The following MAP3K15 variants were observed in gnomAD, a reference collection of about 807,000 sequenced individuals.
MAP3K15 encodes MAPK/ERK kinase kinase 15.
A neutral mutation model predicts 99.5 loss-of-function variants in MAP3K15; 124 were observed. That is an observed-to-expected ratio of 1.25 (90% CI 1.08 to 1.45). The LOEUF is 1.45. Among genes scored for constraint, MAP3K15 ranks in the 40% most tolerant of loss-of-function variants. MAP3K15 has a pLI of 0.00. For missense variants in MAP3K15, 1,242 were observed against 1,079.7 expected (o/e 1.15, Z -2.11); for synonymous variants, 494 against 439.6 (o/e 1.12, Z -1.55).
At chrX:19,375,308 G>A (rs774740391) in intron 19 of MAP3K15, among the ~76,000 whole-genome samples, 1 of 111,661 alleles carries the variant, frequency 9.0e-6, no homozygotes, top group East Asian at 2.8e-4. Flanking sequence ...GGGTCCCCAA[G>A]AGATGCCTTT....
intron 1 of MAP3K15, among the ~76,000 whole-genome samples, chrX:19,512,883 G>C (rs2147443524): frequency 9.0e-6 from 1 of 111,234 alleles, no homozygotes; most frequent in East Asian, 2.8e-4. Flanking sequence ...AGTGGTTTTA[G>C]AATTTTTACA....
At chrX:19,458,073 C>T (rs1278595914) in intron 5 of MAP3K15, among the ~76,000 whole-genome samples, 1 of 112,230 alleles carries the variant, frequency 8.9e-6, no homozygotes, top group East Asian at 2.8e-4. Context: ...GGCTTAGAAT[C>T]GTTGGAACTG....
chrX:19,373,626 T>C lies in MAP3K15; in HGVS notation c.2843A>G (p.His948Arg). Residue 948 changes from histidine to arginine, a missense_variant, in exon 21 of 29, where the codon CAC becomes CGC. Physicochemically the swap from His to Arg is conservative, Grantham distance 29 (BLOSUM62 0). Transcript: ENST00000338883. ...GTCGGAGTCTGGGGAGACAGAGCCG[T>C]GCTCGCTGCTGCTGGTGGCCATGGG... The part of the protein sequence containing the change: ...GEPMATSSSE[H>R]GSVSPDSDAQ... 8.4e-7 allele frequency: 1 copy of C among 1,196,762 alleles called. No homozygotes were observed. The highest frequency in any genetic ancestry group is 1.1e-6 in the Non-Finnish European group (1 of 890,077).
chrX:19,462,040 A>AC (rs2064137059), intron 4 of MAP3K15, among the ~76,000 whole-genome samples: 3 of 99,804 alleles, frequency 3.0e-5, no homozygotes, highest in African/African-American at 1.2e-4. Context: ...CACACACACA[A>AC]AACAAAGCTG....
At position 19,371,416 on chromosome X, in the gene MAP3K15, T is replaced by C; in HGVS notation, c.3223A>G (p.Lys1075Glu). 1 of 1,203,381 alleles carries C rather than the reference T, an allele frequency of 8.3e-7. No individual in the cohort carries two copies. Among genetic ancestry groups the C allele is most frequent in the Non-Finnish European group, 1.1e-6 (1 of 888,441 alleles). ...GAGCTGTCAAAGTCCAGGTCCACCT[T>C]GAGCTTTGATATTGTGGTCGCCATC... is the stretch of plus-strand genomic sequence containing the variant. ...RVMATTISKL[K>E]VDLDFDSSSI... Residue 1075 changes from lysine to glutamate, a missense_variant, in exon 23 of 29, where the codon AAG becomes GAG. Transcript: ENST00000338883.
chrX:19,371,412 A>T lies in MAP3K15; in HGVS notation c.3227T>A (p.Val1076Glu). 2 of 1,211,465 alleles carry T rather than the reference A, an allele frequency of 1.7e-6. No homozygotes were observed. The highest frequency in any genetic ancestry group is 2.2e-6 in the Non-Finnish European group (2 of 895,217). ...VMATTISKLK[V>E]DLDFDSSSIS... ...GGACGAGCTGTCAAAGTCCAGGTCC[A>T]CCTTGAGCTTTGATATTGTGGTCGC... Residue 1076 changes from valine to glutamate, a missense_variant, in exon 23 of 29, where the codon GTG becomes GAG. Val to Glu is a moderately radical substitution (Grantham distance 121). Coordinates refer to ENST00000338883, the MANE Select transcript of MAP3K15 (RefSeq NM_001001671.4).
intron 6 of MAP3K15, among the ~76,000 whole-genome samples, chrX:19,441,363 G>C (rs773613055): frequency 3.7e-4 from 41 of 109,640 alleles, no homozygotes; most frequent in Admixed American, 3.5e-3. Context: ...TAATGGGTAT[G>C]GGCTTTTGGT....
chrX:19,495,626 T>C (rs754868916), intron 1 of MAP3K15, among the ~76,000 whole-genome samples: 12 of 111,655 alleles, frequency 1.1e-4, no homozygotes, highest in African/African-American at 3.9e-4. Context: ...GCAGCACATA[T>C]ATGCCAACTA....
At chrX:19,418,209 TAAGAG>T (rs1291699596) in intron 9 of MAP3K15, among the ~76,000 whole-genome samples, 3 of 111,596 alleles carry the variant, frequency 2.7e-5, no homozygotes, top group Non-Finnish European at 5.6e-5. Flanking sequence ...TTTGACGAGT[TAAGAG>T]AAGAAGACTT....
intron 18 of MAP3K15, among the ~76,000 whole-genome samples, chrX:19,391,674 C>CAAAAAAA (rs759061873): frequency 3.5e-5 from 1 of 28,531 alleles, no homozygotes; most frequent in Non-Finnish European, 7.1e-5. Context: ...GACCCCGTCT[C>CAAAAAAA]AAAAAAAAAA....
chrX:19,397,952 C>A (rs1490539789), intron 15 of MAP3K15, among the ~76,000 whole-genome samples: 3 of 108,859 alleles, frequency 2.8e-5, no homozygotes, highest in African/African-American at 1.0e-4. Context: ...TGGTGTAATC[C>A]CAGCTACAGG....
intron 18 of MAP3K15, among the ~76,000 whole-genome samples, chrX:19,383,243 A>G (rs1178476923): frequency 8.9e-6 from 1 of 112,157 alleles, no homozygotes; most frequent in Admixed American, 9.5e-5. Flanking sequence ...GTAACCAGCA[A>G]ACAGTTATTT....
chrX:19,495,451 AG>A (rs2064394525), intron 1 of MAP3K15, among the ~76,000 whole-genome samples: 2 of 111,694 alleles, frequency 1.8e-5, no homozygotes, highest in African/African-American at 3.3e-5. Context: ...TTTAACTAGG[AG>A]GAAGGAGGGG....
At chrX:19,510,742 G>A (rs1009509530) in intron 1 of MAP3K15, among the ~76,000 whole-genome samples, 3 of 111,929 alleles carry the variant, frequency 2.7e-5, no homozygotes, top group Non-Finnish European at 5.6e-5. Flanking sequence ...TAGGAAGAGA[G>A]GAAGTCAAAT....
chrX:19,379,857 G>A (rs184876357), intron 19 of MAP3K15, among the ~76,000 whole-genome samples: 1 of 111,409 alleles, frequency 9.0e-6, no homozygotes, highest in East Asian at 2.8e-4. Flanking sequence ...CTTACTTGAG[G>A]ACTAGTTACG....
At position 19,413,457 on chromosome X, in the gene MAP3K15, AC is replaced by A; in HGVS notation, c.1597del (p.Val533SerfsTer2). 8.4e-7 allele frequency: 1 copy of A among 1,194,254 alleles called. No homozygotes were observed. On this transcript the variant is annotated frameshift_variant, in exon 11 of 29. Transcript: ENST00000338883. LOFTEE classifies it high-confidence loss of function. ...CTGGTACACTTTGGTTGGCTCTATG[AC>A]CAGAACCTGAAACAAGAACAGATGC... The part of the protein sequence containing the change: ...VTNGLRFPVL[V>X]IEPTKVYQPS...
At position 19,372,482 on chromosome X, in the gene MAP3K15, C is replaced by A. The variant is rs189902318; in HGVS notation, c.3108+171G>T. 6.9e-3 allele frequency among the ~76,000 whole-genome samples: 771 copies of A among 112,342 alleles called. 3 individuals are homozygous for A. The highest frequency in any genetic ancestry group is 9.2e-3 in the Non-Finnish European group (491 of 53,219). On this transcript the variant is annotated intron_variant, in intron 22 of 28. Transcript: ENST00000338883. ...GCAGAGCTTTTTTTCTTTGTATTTT[C>A]TTTTGTTTTGTTGGGGAAGGGAAGG...
intron 3 of MAP3K15, among the ~76,000 whole-genome samples, chrX:19,470,067 T>C (rs1490154018): frequency 8.9e-6 from 1 of 111,771 alleles, no homozygotes; most frequent in Non-Finnish European, 1.9e-5. Flanking sequence ...ACCTAAAGGA[T>C]TATAAACCAT....
chrX:19,377,883 G>A, intron 19 of MAP3K15, among the ~76,000 whole-genome samples: 1 of 112,437 alleles, frequency 8.9e-6, no homozygotes, highest in Middle Eastern at 4.6e-3. Context: ...GGGATTGCAG[G>A]TATCAGAAGA....
Sources: allele counts gnomAD v4.1 joint callset (sites outside exome capture counted in the v4.1 genomes callset), GRCh38; gene constraint gnomAD v4.1.1; transcripts MANE v1.5; gene names NCBI Gene and HGNC (gene_info 2026-07-23, HGNC 2026-07-21).